Variants in CLSTN2 observed in about 807,000 individuals in gnomAD.
CLSTN2 encodes calsyntenin 2, also known as calsyntenin-2.
Under a neutral mutation model 101.2 loss-of-function variants are expected in CLSTN2, and 48 were observed. That is an observed-to-expected ratio of 0.47 (90% CI 0.38 to 0.60). CLSTN2 has a LOEUF of 0.60. Ranked by LOEUF, CLSTN2 falls within the 20% of genes least tolerant of loss-of-function variation. The probability of loss-of-function intolerance (pLI) is 0.00; values close to 1 mark genes in which losing one functional copy is unlikely to be tolerated. For missense variants in CLSTN2, 1,160 were observed against 1,238.2 expected, an observed-to-expected ratio of 0.94 and a Z score of 0.95; for synonymous variants, 481 against 463.6, an observed-to-expected ratio of 1.04 and a Z score of -0.48.
intron 2 of CLSTN2, among the ~76,000 whole-genome samples, chr3:140,400,237 C>T (rs2088225224): frequency 6.6e-6 from 1 of 152,082 alleles, no homozygotes; most frequent in African/African-American, 2.4e-5. Flanking sequence ...ACTCTGAGTC[C>T]CACTGAAATC....
intron 10 of CLSTN2, among the ~76,000 whole-genome samples, chr3:140,552,006 C>T (rs963961839): frequency 6.6e-6 from 1 of 151,870 alleles, no homozygotes; most frequent in African/African-American, 2.4e-5. Context: ...AATCAGAGTC[C>T]AAATTTACTT....
chr3:139,999,423 C>A (rs2006771266), intron 1 of CLSTN2, among the ~76,000 whole-genome samples: 1 of 151,956 alleles, frequency 6.6e-6, no homozygotes, highest in Admixed American at 6.6e-5. Context: ...TTCTGGGGAA[C>A]CTGGGAATGG....
At chr3:140,045,236 A>T (rs1054973642) in intron 1 of CLSTN2, among the ~76,000 whole-genome samples, 7 of 152,182 alleles carry the variant, frequency 4.6e-5, no homozygotes, top group Non-Finnish European at 1.0e-4. Flanking sequence ...GAGGGATTCA[A>T]GTTCTTCCTG....
chr3:140,230,729 C>A (rs1468827467), intron 2 of CLSTN2, among the ~76,000 whole-genome samples: 1 of 152,212 alleles, frequency 6.6e-6, no homozygotes, highest in African/African-American at 2.4e-5. Flanking sequence ...TTATAAGCCA[C>A]CCAGTTCATG....
At chr3:140,419,182 T>C (rs528962514) in intron 4 of CLSTN2, among the ~76,000 whole-genome samples, 1 of 151,666 alleles carries the variant, frequency 6.6e-6, no homozygotes, top group East Asian at 2.0e-4. Flanking sequence ...TGATGAAATA[T>C]AAAAATATAC....
chr3:140,344,825 C>A (rs1203737204), intron 2 of CLSTN2, among the ~76,000 whole-genome samples: 1 of 152,234 alleles, frequency 6.6e-6, no homozygotes, highest in Non-Finnish European at 1.5e-5. Context: ...ATTTCCCCAG[C>A]ATGCAGCACA....
At chr3:140,245,145 C>T (rs1243077693) in intron 2 of CLSTN2, among the ~76,000 whole-genome samples, 1 of 152,132 alleles carries the variant, frequency 6.6e-6, no homozygotes, top group Non-Finnish European at 1.5e-5. Flanking sequence ...ACCACGTGTT[C>T]CAGGGCTGGC....
intron 2 of CLSTN2, among the ~76,000 whole-genome samples, chr3:140,311,945 C>T (rs1013579370): frequency 3.3e-5 from 5 of 152,190 alleles, no homozygotes; most frequent in Non-Finnish European, 7.3e-5. Flanking sequence ...AGTTACTTCT[C>T]TACATGTGTG....
At chr3:140,316,420 T>C (rs924028564) in intron 2 of CLSTN2, among the ~76,000 whole-genome samples, 1 of 152,226 alleles carries the variant, frequency 6.6e-6, no homozygotes, top group African/African-American at 2.4e-5. Flanking sequence ...GGGCCAACCA[T>C]GATGCTAGTA....
intron 8 of CLSTN2, among the ~76,000 whole-genome samples, chr3:140,526,872 G>A (rs779284001): frequency 6.6e-6 from 1 of 151,966 alleles, no homozygotes; most frequent in Non-Finnish European, 1.5e-5. Context: ...TTGGGATAAC[G>A]GGCTAGCCAT....
At chr3:140,183,755 G>T (rs1391453930) in intron 2 of CLSTN2, among the ~76,000 whole-genome samples, 1 of 152,136 alleles carries the variant, frequency 6.6e-6, no homozygotes, top group Non-Finnish European at 1.5e-5. Flanking sequence ...ATTAGCTAAT[G>T]TTTATACATA....
At chr3:140,297,449 A>G (rs1336994885) in intron 2 of CLSTN2, among the ~76,000 whole-genome samples, 1 of 152,234 alleles carries the variant, frequency 6.6e-6, no homozygotes, top group Non-Finnish European at 1.5e-5. Flanking sequence ...AATAACATTT[A>G]CTTGATTCTC....
intron 1 of CLSTN2, among the ~76,000 whole-genome samples, chr3:140,062,764 CTG>C (rs1311924195): frequency 9.9e-5 from 15 of 152,114 alleles, no homozygotes. Flanking sequence ...CCCAGCTCTG[CTG>C]TGTGACCTTG....
chr3:140,524,071 A>G (rs1284722227), intron 8 of CLSTN2, among the ~76,000 whole-genome samples: 3 of 152,212 alleles, frequency 2.0e-5, no homozygotes, highest in Non-Finnish European at 4.4e-5. Flanking sequence ...ACTGTGCAGT[A>G]AAGGAAGTGG....
At chr3:140,513,583 C>CTTTTTTTTTTTT (rs55778787) in intron 8 of CLSTN2, among the ~76,000 whole-genome samples, 6 of 117,752 alleles carry the variant, frequency 5.1e-5, no homozygotes, top group East Asian at 2.4e-4. Flanking sequence ...TTTTTTCTTT[C>CTTTTTTTTTTTT]TTTTTTTTTT....
chr3:140,368,516 T>A (rs540872409), intron 2 of CLSTN2, among the ~76,000 whole-genome samples: 1 of 152,204 alleles, frequency 6.6e-6, no homozygotes, highest in African/African-American at 2.4e-5. Context: ...CACTTTCTCA[T>A]CCCCCACTCC....
At chr3:140,348,991 A>G (rs934569388) in intron 2 of CLSTN2, among the ~76,000 whole-genome samples, 1 of 152,194 alleles carries the variant, frequency 6.6e-6, no homozygotes. Context: ...ATCTTTAATT[A>G]TAATCCAAAT....
chr3:140,140,229 T>C (rs1347133013), intron 1 of CLSTN2, among the ~76,000 whole-genome samples: 2 of 152,164 alleles, frequency 1.3e-5, no homozygotes, highest in Non-Finnish European at 2.9e-5. Flanking sequence ...TTATTTGCAT[T>C]GCTATGAAGG....
At chr3:140,324,189 G>C (rs1181344998) in intron 2 of CLSTN2, among the ~76,000 whole-genome samples, 2 of 152,168 alleles carry the variant, frequency 1.3e-5, no homozygotes, top group African/African-American at 2.4e-5. Context: ...AACAGTTGAT[G>C]GAGGGCTCAG....
Sources: allele counts gnomAD v4.1 joint callset (sites outside exome capture counted in the v4.1 genomes callset), GRCh38; gene constraint gnomAD v4.1.1; transcripts MANE v1.5; gene names NCBI Gene and HGNC (gene_info 2026-07-23, HGNC 2026-07-21).